The following NDUFB8 variants were observed in gnomAD, a reference collection of about 807,000 sequenced individuals.
NDUFB8 encodes the protein NADH:ubiquinone oxidoreductase subunit B8.
NDUFB8 carries 17 observed loss-of-function variants against 26.0 expected under a neutral mutation model. The observed-to-expected ratio is 0.65, with a 90% CI of 0.45 to 0.98. The LOEUF (loss-of-function observed/expected upper bound fraction) is 0.98, where lower values mean the gene tolerates loss of function less well. Among genes scored for constraint, NDUFB8 ranks in the 50% least tolerant of loss-of-function variants. NDUFB8 has a pLI of 0.00. For missense variants in NDUFB8, 238 were observed against 255.0 expected (o/e 0.93, Z 0.45); for synonymous variants, 89 against 93.1 (o/e 0.96, Z 0.25).
Position 100,527,007 on chromosome 10 carries a change from G to T in NDUFB8, c.280C>A (p.Gln94Lys). Residue 94 changes from glutamine (Q) to lysine (K), a missense_variant, in exon 3 of 5, where the codon CAG becomes AAG. Transcript: ENST00000299166. ...HERDPWYSWD[Q>K]PGLRLNWGEP... is the part of the protein sequence containing the mutation. ...CCCCAGTTCAACCTCAGGCCCGGCT[G>T]GTCCCAGCTATACCATGGATCTCTC... 1 of 1,614,140 alleles carries T rather than the reference G, an allele frequency of 6.2e-7. No homozygotes were observed. The highest frequency in any genetic ancestry group is 1.1e-5 in the South Asian group (1 of 91,074).
At position 100,526,422 on chromosome 10, in the gene NDUFB8, C is replaced by T. The variant is rs141801241; in HGVS notation, c.445G>A (p.Val149Met). ...ACCACAGGCTGGTAGACAGGGTACA[C>T]GTCCCCCACCCAGCACATGAATATC... ...FMIFMCWVGD[V>M]YPVYQPVGPK... Residue 149 changes from valine (V) to methionine (M), a missense_variant, in exon 4 of 5, where the codon GTG becomes ATG. Val to Met is a conservative substitution (Grantham distance 21). Coordinates refer to ENST00000299166, the MANE Select transcript of NDUFB8 (RefSeq NM_005004.4). 874 of 1,608,702 alleles carry T rather than the reference C, an allele frequency of 5.4e-4. 8 individuals carry two copies. In the East Asian group the frequency reaches 0.015, roughly 28 times the overall value.
At chr10:100,525,631 TGTGTGTGTGTGTG>T in intron 4 of NDUFB8, among the ~76,000 whole-genome samples, 1 of 130,080 alleles carries the variant, frequency 7.7e-6, no homozygotes, top group Non-Finnish European at 1.7e-5. Context: ...TGTGTGTGTG[TGTGTGTGTGTGTG>T]TGTGTGTGTG....
chr10:100,529,729 C>G (rs779084596), intron 1 of NDUFB8, 38 bp downstream of exon 1: 1 of 1,596,912 alleles, frequency 6.3e-7, no homozygotes, highest in Non-Finnish European at 8.5e-7. Flanking sequence ...TTTCAGGTAC[C>G]CCCTTCCCAC....
intron 3 of NDUFB8, 94 bp from the exon 4 acceptor site, chr10:100,526,648 G>A: frequency 6.9e-7 from 1 of 1,442,366 alleles, no homozygotes; most frequent in South Asian, 1.2e-5. Context: ...AGGCTAGACA[G>A]AAGCATTCTA....
At chr10:100,529,326 C>A in intron 2 of NDUFB8, 54 bp downstream of exon 2, 1 of 1,511,314 alleles carries the variant, frequency 6.6e-7, no homozygotes, top group Non-Finnish European at 8.8e-7. Flanking sequence ...CCACCCAACC[C>A]AGCCGGCCTT....
At chr10:100,526,582 C>T (rs1564657958) in intron 3 of NDUFB8, 28 bp from the exon 4 acceptor site, 1 of 1,612,754 alleles carries the variant, frequency 6.2e-7, no homozygotes. Flanking sequence ...ATAGCTGTCA[C>T]ATACTACTCT....
chr10:100,529,694 C>A, intron 1 of NDUFB8, 73 bp downstream of exon 1: 1 of 1,560,718 alleles, frequency 6.4e-7, no homozygotes, highest in Non-Finnish European at 8.7e-7. Context: ...GCGGCATCTA[C>A]GATCCCCCCT....
chr10:100,525,234 C>T (rs1383169604), intron 4 of NDUFB8, among the ~76,000 whole-genome samples: 4 of 151,874 alleles, frequency 2.6e-5, no homozygotes, highest in Non-Finnish European at 5.9e-5. Context: ...CTCCAGCTAA[C>T]TCACCCTCCT....
At chr10:100,528,451 A>G (rs958306719) in intron 2 of NDUFB8, among the ~76,000 whole-genome samples, 3 of 152,216 alleles carry the variant, frequency 2.0e-5, no homozygotes, top group African/African-American at 7.2e-5. Context: ...CTGAATCCAA[A>G]GTCACCCAGC....
chr10:100,529,827 A>C lies in NDUFB8; in HGVS notation c.25T>G (p.Leu9Val), dbSNP rs570235496. The change falls in exon 1 of 5, where the codon TTG (leucine) becomes GTG (valine). Residue 9 changes from leucine (L) to valine (V), a missense_variant. Transcript: ENST00000299166. The part of the protein sequence containing the change: MAVARAGV[L>V]GVQWLQRASR... ...GCCCTTTGCAGCCACTGGACTCCCAAGACCCCGGCCCTGGCCACCGCCATC... is the reference window on the plus strand; with the variant it reads ...GCCCTTTGCAGCCACTGGACTCCCACGACCCCGGCCCTGGCCACCGCCATC... 40 of 1,605,338 alleles carry C rather than the reference A, an allele frequency of 2.5e-5. No individual in the cohort carries two copies. The Admixed American group carries it at 5.6e-4, about 22-fold the overall frequency.
chr10:100,529,219 A>AACC (rs1852102755), intron 2 of NDUFB8, 161 bp downstream of exon 2: 1 of 130,516 alleles, frequency 7.7e-6, no homozygotes, highest in Non-Finnish European at 1.5e-5. Context: ...GCAGCTGCTC[A>AACC]CCCACCCCCC....
Position 100,528,932 on chromosome 10 carries a change from A to G in NDUFB8, c.212+448T>C, listed in dbSNP as rs2133713677. 4 of 153,296 alleles carry G rather than the reference A, an allele frequency of 2.6e-5. No individual in the cohort carries two copies. The Admixed American group carries it at 2.6e-4, about 10-fold the overall frequency. 9.5% of individuals were successfully genotyped at this position (153,296 alleles called of 1,614,324 possible). A position where few individuals can be genotyped will look rare whatever the true frequency, so the allele number is the denominator to read the frequency against. On this transcript the variant is annotated intron_variant, in intron 2 of 4. Coordinates refer to ENST00000299166, the MANE Select transcript of NDUFB8 (RefSeq NM_005004.4). ...TTGCTACGATTTCCACAGCACTAAC[A>G]GAAAAACATTTTTTTTAAAGAGACA...
chr10:100,527,102 G>A, intron 2 of NDUFB8, 28 bp from the exon 3 acceptor site: 1 of 1,589,652 alleles, frequency 6.3e-7, no homozygotes, highest in Non-Finnish European at 8.6e-7. Context: ...CTTCTGGAAA[G>A]GGCTGTGAGC....
rs1244289159 is a variant in NDUFB8 at position 100,524,880 on chromosome 10, C to T, written c.469-951G>A. The stretch of plus-strand genomic sequence containing the variant: ...ACCAAGTCATCACTGTATCCCCAAC[C>T]GCTAGCACAGTCTGCATCTGGTACA... On this transcript the variant is annotated intron_variant, in intron 4 of 4. Transcript: ENST00000299166. This position sits in a 1 kb window ranked among gnomAD's most constrained non-coding sequence, Gnocchi z 4.0. Among the ~76,000 whole-genome samples the T allele has an allele frequency of 1.3e-5, 2 of 152,186 alleles. No homozygotes were observed. Among genetic ancestry groups the T allele is most frequent in the African/African-American group, 2.4e-5 (1 of 41,418 alleles).
chr10:100,524,566 T>C lies in NDUFB8; in HGVS notation c.469-637A>G, dbSNP rs761218400. On this transcript the variant is annotated intron_variant, in intron 4 of 4. Transcript: ENST00000299166. The surrounding 1 kb of genome is among the most constrained non-coding windows in gnomAD (Gnocchi z 4.0). Reference sequence around the variant, plus strand: ...CCTTGCTCTCCTGAAGTGAAGTTAGTGCTCACCCTAGCCCTACGTGCATTC... The same window carrying C: ...CCTTGCTCTCCTGAAGTGAAGTTAGCGCTCACCCTAGCCCTACGTGCATTC... Among the ~76,000 whole-genome samples the C allele has an allele frequency of 2.0e-4, 31 of 152,326 alleles. 1 individual carries two copies. Among genetic ancestry groups the C allele is most frequent in the Non-Finnish European group, 3.7e-4 (25 of 68,028 alleles).
At chr10:100,529,549 C>T (rs1176408645) in intron 1 of NDUFB8, 43 bp from the exon 2 acceptor site, 1 of 1,602,722 alleles carries the variant, frequency 6.2e-7, no homozygotes, top group South Asian at 1.1e-5. Context: ...GCCCGCTCTC[C>T]AGCCGCTCCG....
Position 100,526,270 on chromosome 10 carries a change from A to G in NDUFB8, c.468+129T>C, listed in dbSNP as rs543536679. 26 of 1,099,688 alleles carry G rather than the reference A, an allele frequency of 2.4e-5. No homozygotes were observed. The East Asian group carries it at 7.6e-4, about 32-fold the overall frequency. 68.1% of individuals were successfully genotyped at this position (1,099,688 alleles called of 1,614,324 possible). A position where few individuals can be genotyped will look rare whatever the true frequency, so the allele number is the denominator to read the frequency against. ...CAGGCCAATGGGTCAAGGCCCTCCT[A>G]TCTTCCTATCTCCTAAGACTCCAGG... On this transcript the variant is annotated intron_variant, in intron 4 of 4. Coordinates refer to ENST00000299166, the MANE Select transcript of NDUFB8 (RefSeq NM_005004.4).
chr10:100,524,873 C>A lies in NDUFB8; in HGVS notation c.469-944G>T, dbSNP rs1021801921. ...GAGGCAGACCAAGTCATCACTGTAT[C>A]CCCAACCGCTAGCACAGTCTGCATC... On this transcript the variant is annotated intron_variant, in intron 4 of 4. Coordinates refer to ENST00000299166, the MANE Select transcript of NDUFB8 (RefSeq NM_005004.4). The surrounding 1 kb of genome is among the most constrained non-coding windows in gnomAD (Gnocchi z 4.0). Among the ~76,000 whole-genome samples, 12 of 152,176 alleles carry A rather than the reference C, an allele frequency of 7.9e-5. No individual in the cohort carries two copies. The highest frequency in any genetic ancestry group is 1.2e-4 in the Non-Finnish European group (8 of 68,036).
Position 100,523,832 on chromosome 10 carries a change from C to G in NDUFB8, c.*5G>C. On this transcript the variant is annotated 3_prime_UTR_variant, in exon 5 of 5. Transcript: ENST00000299166. The stretch of plus-strand genomic sequence containing the variant: ...TTAGAGGACCCAAAAGCCCACGAAG[C>G]CTCCTCAGATCTCATAGTGAACCAC... The G allele has an allele frequency of 6.2e-7, 1 of 1,613,538 alleles. No homozygotes were observed. Among genetic ancestry groups the G allele is most frequent in the South Asian group, 1.1e-5 (1 of 91,040 alleles).
Sources: gnomAD v4.1 joint callset for allele counts (sites outside exome capture counted in the v4.1 genomes callset) on GRCh38, gnomAD v4.1.1 for gene constraint, Gnocchi (gnomAD v3.1) non-coding constraint, MANE v1.5 for transcripts, NCBI Gene and HGNC (gene_info 2026-07-23, HGNC 2026-07-21) for gene names.